The following SIPA1L3 variants were observed in gnomAD, a reference collection of about 807,000 sequenced individuals.
SIPA1L3 encodes the protein signal-induced proliferation-associated 1-like protein 3.
Under a neutral mutation model 150.1 loss-of-function variants are expected in SIPA1L3, and 59 were observed. That is an observed-to-expected ratio of 0.39 (90% confidence interval 0.32 to 0.49). The LOEUF is 0.49. Ranked by LOEUF, SIPA1L3 falls within the 20% of genes least tolerant of loss-of-function variation. The pLI is 0.86. For synonymous variants in SIPA1L3, 1,070 were observed against 1,077.6 expected, an observed-to-expected ratio of 0.99 and a Z score of 0.14; for missense variants, 2,211 against 2,489.5, an observed-to-expected ratio of 0.89 and a Z score of 2.38.
intron 1 of SIPA1L3, among the ~76,000 whole-genome samples, chr19:38,028,088 G>C (rs570148910): frequency 1.3e-5 from 2 of 151,994 alleles, no homozygotes; most frequent in South Asian, 2.1e-4. Context: ...AGCCTCTGCC[G>C]GTGCCCAGAA....
rs981103144 is a variant in SIPA1L3, at chr19:38,055,276, C to T, written c.-310-25980C>T. Among the ~76,000 whole-genome samples the T allele has an allele frequency of 1.6e-4, 25 of 152,220 alleles. 1 individual carries two copies. The highest frequency in any genetic ancestry group is 5.5e-4 in the African/African-American group (23 of 41,548). On this transcript the variant is annotated intron_variant, in intron 2 of 21. Transcript: ENST00000222345. ...AAAAGGGAGGGAGGGCAGCTGGGGG[C>T]GGCGCCACTGTTGGGGGGTGCAGGG...
intron 12 of SIPA1L3, among the ~76,000 whole-genome samples, chr19:38,144,304 C>A (rs972356707): frequency 2.0e-5 from 3 of 152,238 alleles, no homozygotes; most frequent in Non-Finnish European, 4.4e-5. Flanking sequence ...GCGTGCTCTT[C>A]AAGACCTCCC....
intron 13 of SIPA1L3, among the ~76,000 whole-genome samples, chr19:38,156,250 G>A (rs1971946942): frequency 6.6e-6 from 1 of 151,994 alleles, no homozygotes; most frequent in South Asian, 2.1e-4. Context: ...AAGACAGATA[G>A]ATTTGGATCC....
chr19:37,976,597 C>G (rs1967082893), intron 1 of SIPA1L3, among the ~76,000 whole-genome samples: 1 of 152,040 alleles, frequency 6.6e-6, no homozygotes, highest in Non-Finnish European at 1.5e-5. Context: ...CATTGAAGAG[C>G]TTAGACACTG....
At chr19:37,953,554 G>T (rs999160005) in intron 1 of SIPA1L3, among the ~76,000 whole-genome samples, 1 of 152,198 alleles carries the variant, frequency 6.6e-6, no homozygotes, top group Non-Finnish European at 1.5e-5. Context: ...GTGTATGTGT[G>T]TGCATGCGTG....
intron 12 of SIPA1L3, among the ~76,000 whole-genome samples, chr19:38,151,903 A>C (rs1971832618): frequency 6.9e-6 from 1 of 144,368 alleles, no homozygotes; most frequent in South Asian, 2.2e-4. Context: ...CGGAGGTTGC[A>C]GTGAGCTGAG....
In SIPA1L3 at chr19:38,081,592, C is replaced by G. The variant is rs200376502; in HGVS notation, c.27C>G (p.Ser9Arg). Residue 9 changes from serine (S) to arginine (R), a missense_variant, in exon 3 of 22, where the codon AGC (serine) becomes AGG (arginine). This residue lies in a region of SIPA1L3 where 130 missense variants were observed against 174.5 expected (regional missense o/e 0.74). Coordinates refer to ENST00000222345, the MANE Select transcript of SIPA1L3 (RefSeq NM_015073.3). Reference sequence around the variant, plus strand: ...TGACCACCTATCGGGCCATCCCCAGCGATGGTGTGGACCTGGCAGCCAGCT... The same window carrying G: ...TGACCACCTATCGGGCCATCCCCAGGGATGGTGTGGACCTGGCAGCCAGCT... MTTYRAIP[S>R]DGVDLAASCG... 1 of 1,594,616 alleles carries G rather than the reference C, an allele frequency of 6.3e-7. No individual in the cohort carries two copies.
intron 4 of SIPA1L3, among the ~76,000 whole-genome samples, chr19:38,093,359 C>T (rs1970303962): frequency 6.6e-6 from 1 of 152,178 alleles, no homozygotes; most frequent in Non-Finnish European, 1.5e-5. Context: ...CCTAGTTTGA[C>T]CACTCAGCAG....
chr19:37,948,893 C>T (rs979503350), intron 1 of SIPA1L3, among the ~76,000 whole-genome samples: 1 of 152,188 alleles, frequency 6.6e-6, no homozygotes, highest in Non-Finnish European at 1.5e-5. Flanking sequence ...CCAGGCAGGA[C>T]CACAGATGCA....
At chr19:38,157,690 G>C (rs1047741103) in intron 13 of SIPA1L3, among the ~76,000 whole-genome samples, 3 of 152,170 alleles carry the variant, frequency 2.0e-5, no homozygotes, top group Non-Finnish European at 2.9e-5. Flanking sequence ...CTGATCCAGA[G>C]AACTAGGGGA....
At chr19:38,097,682 A>G (rs1362907533) in intron 4 of SIPA1L3, among the ~76,000 whole-genome samples, 1 of 152,058 alleles carries the variant, frequency 6.6e-6, no homozygotes, top group Non-Finnish European at 1.5e-5. Context: ...TCAGCCTCCC[A>G]AGTAGCTGGG....
Position 38,164,393 on chromosome 19 carries a change from C to A in SIPA1L3, c.3781-86C>A. On this transcript the variant is annotated intron_variant, in intron 14 of 21. Transcript: ENST00000222345. This position sits in a 1 kb window ranked among gnomAD's most constrained non-coding sequence, Gnocchi z 4.1. ...TTTGAAGCTGTCTGGTCCCAGGGTT[C>A]AGGCCCAGGCAGAGGGAGGACCCGG... The A allele has an allele frequency of 7.7e-7, 1 of 1,307,054 alleles. No individual in the cohort carries two copies. The highest frequency in any genetic ancestry group is 1.1e-6 in the Non-Finnish European group (1 of 933,238). The allele number at this position is 1,307,054 out of a possible 1,614,324, so 81.0% of individuals were successfully genotyped here.
intron 1 of SIPA1L3, among the ~76,000 whole-genome samples, chr19:38,002,817 A>G (rs1293616468): frequency 6.7e-6 from 1 of 149,466 alleles, no homozygotes; most frequent in African/African-American, 2.5e-5. Context: ...GGATGCTTCT[A>G]CCTTTTGGCT....
At position 38,206,657 on chromosome 19, in the gene SIPA1L3, G is replaced by C. The variant is rs1258220747; in HGVS notation, c.*417G>C. 1 of 159,932 alleles carries C rather than the reference G, an allele frequency of 6.3e-6. No homozygotes were observed. Among genetic ancestry groups the C allele is most frequent in the South Asian group, 2.0e-4 (1 of 5,016 alleles). The allele number at this position is 159,932 out of a possible 1,614,324, so 9.9% of individuals were successfully genotyped here. On this transcript the variant is annotated 3_prime_UTR_variant, in exon 22 of 22. Transcript: ENST00000222345. ...TCTGCACCACGCACAACAAAGTTGCGGCTTGTGGGGCCGAGGCCCCTGCAT... is the reference window on the plus strand; with the variant it reads ...TCTGCACCACGCACAACAAAGTTGCCGCTTGTGGGGCCGAGGCCCCTGCAT...
At position 38,012,404 on chromosome 19, in the gene SIPA1L3, C is replaced by T. The variant is rs531076265; in HGVS notation, c.-378-16685C>T. ...AGTCTTAAGGGATGAAGGGCAAGGG[C>T]ATTTCAGGTGGAGGGAAGCATCTAA... On this transcript the variant is annotated intron_variant, in intron 1 of 21. Transcript: ENST00000222345. 2.6e-5 allele frequency among the ~76,000 whole-genome samples: 4 copies of T among 152,166 alleles called. No homozygotes were observed. In the South Asian group the frequency reaches 8.3e-4, roughly 32 times the overall value.
intron 19 of SIPA1L3, among the ~76,000 whole-genome samples, chr19:38,198,972 A>G (rs374069567): frequency 4.7e-5 from 7 of 150,266 alleles, no homozygotes; most frequent in African/African-American, 1.7e-4. Flanking sequence ...TGTCTGGGGG[A>G]AAAAAAAAAT....
chr19:37,987,441 C>G (rs1599871024), intron 1 of SIPA1L3, among the ~76,000 whole-genome samples: 1 of 152,204 alleles, frequency 6.6e-6, no homozygotes, highest in East Asian at 1.9e-4. Context: ...AACCCTGACG[C>G]TGTTGACCTT....
At chr19:38,045,761 T>A (rs966229681) in intron 2 of SIPA1L3, among the ~76,000 whole-genome samples, 3 of 151,730 alleles carry the variant, frequency 2.0e-5, no homozygotes, top group African/African-American at 7.3e-5. Context: ...GGCTGGGGCA[T>A]TTTGGCTGGG....
chr19:38,000,985 C>CACAT (rs1967790826), intron 1 of SIPA1L3, among the ~76,000 whole-genome samples: 1 of 146,366 alleles, frequency 6.8e-6, no homozygotes, highest in African/African-American at 2.5e-5. Context: ...ATATAACACA[C>CACAT]ATATATATAA....
Sources: gnomAD v4.1 joint callset for allele counts (sites outside exome capture counted in the v4.1 genomes callset) on GRCh38, gnomAD v4.1.1 for gene constraint, gnomAD v4.1.1 regional missense constraint, Gnocchi (gnomAD v3.1) non-coding constraint, MANE v1.5 for transcripts, NCBI Gene and HGNC (gene_info 2026-07-23, HGNC 2026-07-21) for gene names.